Variants in FAM107A observed in about 807,000 individuals in gnomAD.
The protein encoded by FAM107A is family with sequence similarity 107 member A.
Under a neutral mutation model 13.7 loss-of-function variants are expected in FAM107A, and 19 were observed. That is an observed-to-expected ratio of 1.38 (90% CI 0.97 to 2.03). The LOEUF (loss-of-function observed/expected upper bound fraction) is 2.03. FAM107A is among the 30% of genes most tolerant of loss of function. The probability of loss-of-function intolerance (pLI) is 0.00; values close to 1 mark genes in which losing one functional copy is unlikely to be tolerated. For missense variants in FAM107A, 203 were observed against 184.4 expected, an observed-to-expected ratio of 1.10 and a Z score of -0.58; for synonymous variants, 82 against 74.5, an observed-to-expected ratio of 1.10 and a Z score of -0.52.
At chr3:58,607,836 C>A (rs965157135) in intron 1 of FAM107A, 1 of 152,206 alleles carries the variant, frequency 6.6e-6, no homozygotes, top group African/African-American at 2.4e-5. Flanking sequence ...ATTCTGCCAA[C>A]AGCCTGAATG....
At chr3:58,588,021 G>A (rs1454861187), upstream of FAM107A, among the ~76,000 whole-genome samples, 1 of 152,132 alleles carries the variant, frequency 6.6e-6, no homozygotes, top group Non-Finnish European at 1.5e-5. Context: ...TACAGACCTT[G>A]GCCACCTGCT....
chr3:58,582,626 G>A (rs553817959), upstream of FAM107A, among the ~76,000 whole-genome samples: 10 of 152,338 alleles, frequency 6.6e-5, no homozygotes, highest in South Asian at 2.1e-3. Flanking sequence ...TCCATTGCTG[G>A]ACAACTGGGT....
At chr3:58,626,282 C>T (rs1471224610) in intron 1 of FAM107A, among the ~76,000 whole-genome samples, 1 of 152,158 alleles carries the variant, frequency 6.6e-6, no homozygotes, top group Admixed American at 6.5e-5. Flanking sequence ...CCTCCTACTC[C>T]CCACCCCAGG....
In FAM107A at chr3:58,577,009, A is replaced by G. The variant is rs1039863692; in HGVS notation, c.-6+300T>C. Reference sequence around the variant, plus strand: ...TGTGATAATTGACTTAGGTGAGGCTATATCATGCATTAATTCAGATTCACC... The same window carrying G: ...TGTGATAATTGACTTAGGTGAGGCTGTATCATGCATTAATTCAGATTCACC... On this transcript the variant is annotated intron_variant, in intron 1 of 3. Coordinates refer to ENST00000360997, the MANE Select transcript of FAM107A (RefSeq NM_001076778.3). The surrounding 1 kb of genome is among the most constrained non-coding windows in gnomAD (Gnocchi z 4.9). Among the ~76,000 whole-genome samples the G allele has an allele frequency of 6.6e-6, 1 of 152,238 alleles. No homozygotes were observed. The highest frequency in any genetic ancestry group is 2.4e-5 in the African/African-American group (1 of 41,466).
chr3:58,587,492 T>A (rs866634502), upstream of FAM107A, among the ~76,000 whole-genome samples: 1,977 of 143,886 alleles, frequency 0.014, 14 homozygotes, highest in Non-Finnish European at 0.019. Flanking sequence ...TGTGTGTGTG[T>A]GTGTGTGTGT....
intron 1 of FAM107A, among the ~76,000 whole-genome samples, chr3:58,593,511 T>A (rs2108066376): frequency 6.6e-6 from 1 of 152,186 alleles, no homozygotes; most frequent in East Asian, 1.9e-4. Context: ...CACCCTTAAG[T>A]CTCTCTTGAA....
intron 1 of FAM107A, among the ~76,000 whole-genome samples, chr3:58,585,945 GCAAA>G (rs897932092): frequency 6.6e-6 from 1 of 152,164 alleles, no homozygotes; most frequent in African/African-American, 2.4e-5. Context: ...CTGCAAACAA[GCAAA>G]CAAAAAGATG....
rs755089230 is a variant in FAM107A, at chr3:58,567,228, G to C, written c.307C>G (p.Arg103Gly). 1 of 1,614,058 alleles carries C rather than the reference G, an allele frequency of 6.2e-7. No homozygotes were observed. Among genetic ancestry groups the C allele is most frequent in the African/African-American group, 1.3e-5 (1 of 74,912 alleles). ...CCCACCTGGTTCAGCCTCTGCTGCC[G>C]TCTCAGCAGCTCCTGCTCAAAGGGG... ...QCPFEQELLR[R>G]QQRLNQLEKP... Residue 103 changes from arginine to glycine, a missense_variant, in exon 3 of 4, where the codon CGG (arginine) becomes GGG (glycine). Arg to Gly is a moderately radical substitution (Grantham distance 125, BLOSUM62 -2). Coordinates refer to ENST00000360997, the MANE Select transcript of FAM107A (RefSeq NM_001076778.3).
At chr3:58,616,895 T>C (rs906731303) in intron 1 of FAM107A, among the ~76,000 whole-genome samples, 1 of 152,024 alleles carries the variant, frequency 6.6e-6, no homozygotes, top group African/African-American at 2.4e-5. Context: ...TGCCTCAGCC[T>C]CCCGAATAGC....
intron 1 of FAM107A, among the ~76,000 whole-genome samples, chr3:58,584,302 C>T (rs1372366358): frequency 2.0e-5 from 3 of 152,136 alleles, no homozygotes; most frequent in Non-Finnish European, 4.4e-5. Flanking sequence ...AAATACATCC[C>T]TGCACCTTGG....
rs989572778 is a variant in FAM107A at position 58,599,079 on chromosome 3, T to A, written c.-69-9810A>T. Among the ~76,000 whole-genome samples the A allele has an allele frequency of 3.3e-5, 5 of 152,166 alleles. No individual in the cohort carries two copies. In the East Asian group the frequency reaches 7.7e-4, roughly 24 times the overall value. On this transcript the variant is annotated intron_variant, in intron 1 of 3. Coordinates refer to the FAM107A transcript ENST00000465970. The stretch of plus-strand genomic sequence containing the variant: ...GCCTCAGCCTCCCGAGTAGCTGGGA[T>A]TACAGGCATGTACCACCATGCCTGG...
chr3:58,604,805 CT>C lies in FAM107A; in HGVS notation c.-69-15537del, dbSNP rs1208076229. On this transcript the variant is annotated intron_variant, in intron 1 of 3. Transcript: ENST00000465970. The surrounding 1 kb of genome is among the most constrained non-coding windows in gnomAD (Gnocchi z 4.1). ...TCTTGGAGTTAGTTTCTATTGGCTG[CT>C]TTTTTCTTGACTAAGGATCACATTT... Among the ~76,000 whole-genome samples, 1 of 152,100 alleles carries C rather than the reference CT, an allele frequency of 6.6e-6. No individual in the cohort carries two copies. Among genetic ancestry groups the C allele is most frequent in the African/African-American group, 2.4e-5 (1 of 41,410 alleles).
rs2065874791 is a variant in FAM107A, at chr3:58,613,629, C to T, written c.-70+13787G>A. ...TTGCCCTCTTTTTGCCTGGCTTCTTCCTTCAGGACTCTGCTTAGATGGCAC... is the reference window on the plus strand; with the variant it reads ...TTGCCCTCTTTTTGCCTGGCTTCTTTCTTCAGGACTCTGCTTAGATGGCAC... On this transcript the variant is annotated intron_variant, in intron 1 of 3. Coordinates refer to the FAM107A transcript ENST00000465970. The surrounding 1 kb of genome is among the most constrained non-coding windows in gnomAD (Gnocchi z 4.6). 6.6e-6 allele frequency among the ~76,000 whole-genome samples: 1 copy of T among 152,204 alleles called. No individual in the cohort carries two copies. The highest frequency in any genetic ancestry group is 2.1e-4 in the South Asian group (1 of 4,830).
chr3:58,608,378 T>A (rs1168224266), intron 1 of FAM107A, among the ~76,000 whole-genome samples: 2 of 152,124 alleles, frequency 1.3e-5, no homozygotes, highest in African/African-American at 4.8e-5. Flanking sequence ...TTGTCTAAGG[T>A]CACATAGCTA....
intron 1 of FAM107A, among the ~76,000 whole-genome samples, chr3:58,570,747 G>A (rs143746738): frequency 6.6e-6 from 1 of 152,304 alleles, no homozygotes; most frequent in East Asian, 1.9e-4. Flanking sequence ...CTCTCTTCAT[G>A]AGTCTAGCTT....
At chr3:58,580,042 T>G (rs1423858816), upstream of FAM107A, among the ~76,000 whole-genome samples, 1 of 152,192 alleles carries the variant, frequency 6.6e-6, no homozygotes, top group African/African-American at 2.4e-5. Flanking sequence ...TGTGTCCATG[T>G]GCAGGTGCAA....
chr3:58,576,055 G>C (rs1467682523), intron 1 of FAM107A, among the ~76,000 whole-genome samples: 1 of 152,240 alleles, frequency 6.6e-6, no homozygotes, highest in African/African-American at 2.4e-5. Flanking sequence ...ACGGTCACTG[G>C]ATTTCCTGAC....
At position 58,617,763 on chromosome 3, in the gene FAM107A, G is replaced by T. The variant is rs779791692; in HGVS notation, c.-70+9653C>A. Among the ~76,000 whole-genome samples, 1 of 152,146 alleles carries T rather than the reference G, an allele frequency of 6.6e-6. No homozygotes were observed. Among genetic ancestry groups the T allele is most frequent in the African/African-American group, 2.4e-5 (1 of 41,414 alleles). On this transcript the variant is annotated intron_variant, in intron 1 of 3. Transcript: ENST00000465970. This position sits in a 1 kb window ranked among gnomAD's most constrained non-coding sequence, Gnocchi z 4.5. ...GGCCCCTCTTCAGTGCTACTCCCAGGGGAGTGGAGCCACTACCTACTATTA... is the reference window on the plus strand; with the variant it reads ...GGCCCCTCTTCAGTGCTACTCCCAGTGGAGTGGAGCCACTACCTACTATTA...
Position 58,565,450 on chromosome 3 carries a change from T to A in FAM107A, c.*1138A>T, listed in dbSNP as rs1349672976. 7.1e-6 allele frequency: 1 copy of A among 140,184 alleles called. No individual in the cohort carries two copies. The highest frequency in any genetic ancestry group is 2.9e-5 in the African/African-American group (1 of 34,276). The allele number at this position is 140,184 out of a possible 1,614,324, so 8.7% of individuals were successfully genotyped here. On this transcript the variant is annotated 3_prime_UTR_variant, in exon 4 of 4. Transcript: ENST00000360997. The stretch of plus-strand genomic sequence containing the variant: ...AAAAAAAAAAATTTTTTTTTTTTTT[T>A]TTTTTTTTTTGGCTAGAATTGCATC...
Sources: gnomAD v4.1 joint callset for allele counts (sites outside exome capture counted in the v4.1 genomes callset) on GRCh38, gnomAD v4.1.1 for gene constraint, Gnocchi (gnomAD v3.1) non-coding constraint, MANE v1.5 for transcripts, NCBI Gene and HGNC (gene_info 2026-07-23, HGNC 2026-07-21) for gene names.